The following GGTA1 variants were observed in gnomAD, a reference collection of about 807,000 sequenced individuals.
The protein encoded by GGTA1 is inactive N-acetyllactosaminide alpha-1,3-galactosyltransferase.
In GGTA1, 5 loss-of-function variants were observed where a neutral mutation model predicts 2.6. The ratio of observed to expected loss-of-function variants is 1.92; its 90% CI spans 1.00 to 4.04. The LOEUF is 4.04. Ranked by LOEUF, GGTA1 falls within the 30% of genes most tolerant of loss-of-function variation. The pLI is 0.00. For missense variants in GGTA1, 50 were observed against 16.7 expected (o/e 2.99, Z -3.47); for synonymous variants, 17 against 5.0 (o/e 3.38, Z -3.19).
At chr9:121,491,518 C>T (rs1182889774) in intron 1 of GGTA1, among the ~76,000 whole-genome samples, 3 of 152,218 alleles carry the variant, frequency 2.0e-5, no homozygotes, top group Admixed American at 6.5e-5. Flanking sequence ...AAGGTCATTT[C>T]CCCTGGCCAC....
intron 2 of GGTA1, among the ~76,000 whole-genome samples, chr9:121,465,010 AAAAAAAAAC>A (rs2064994068): frequency 3.3e-5 from 5 of 151,932 alleles, no homozygotes; most frequent in Non-Finnish European, 5.9e-5. Flanking sequence ...ACAAACAAAA[AAAAAAAAAC>A]AAAAAACAAC....
intron 5 of GGTA1, among the ~76,000 whole-genome samples, chr9:121,459,238 C>T (rs1218901322): frequency 6.6e-6 from 1 of 152,168 alleles, no homozygotes; most frequent in Non-Finnish European, 1.5e-5. Context: ...GGGAGGATCA[C>T]TTAAGCCCAG....
intron 2 of GGTA1, among the ~76,000 whole-genome samples, chr9:121,466,368 A>T (rs1050088786): frequency 7.2e-5 from 11 of 151,748 alleles, no homozygotes; most frequent in Non-Finnish European, 1.5e-5. Flanking sequence ...CCCACACAAA[A>T]CTCTGAGTCA....
chr9:121,487,308 G>T (rs1467956738), intron 1 of GGTA1, among the ~76,000 whole-genome samples: 1 of 149,872 alleles, frequency 6.7e-6, no homozygotes, highest in Non-Finnish European at 1.5e-5. Flanking sequence ...GCTGCGCGCG[G>T]TGACTCACAC....
exon 8 of GGTA1, chr9:121,447,344 A>G (rs1307057225): frequency 6.6e-6 from 1 of 152,654 alleles, no homozygotes; most frequent in Non-Finnish European, 1.5e-5. Context: ...ACATCCATGC[A>G]GAAGAGGAAG....
chr9:121,454,461 A>G (rs1190107965), downstream of GGTA1, among the ~76,000 whole-genome samples: 4 of 152,050 alleles, frequency 2.6e-5, no homozygotes, highest in Non-Finnish European at 5.9e-5. Flanking sequence ...GGGCTCACTC[A>G]CCCTTCTGAG....
downstream of GGTA1, among the ~76,000 whole-genome samples, chr9:121,451,342 C>T (rs543862666): frequency 8.5e-5 from 13 of 152,268 alleles, no homozygotes; most frequent in African/African-American, 3.1e-4. Context: ...TGTGCCACCA[C>T]GCCCAGCTAA....
At chr9:121,489,205 T>C (rs949136275) in intron 1 of GGTA1, among the ~76,000 whole-genome samples, 2 of 152,202 alleles carry the variant, frequency 1.3e-5, no homozygotes, top group African/African-American at 4.8e-5. Flanking sequence ...TTATATTTTA[T>C]ATATATTTTT....
intron 1 of GGTA1, among the ~76,000 whole-genome samples, chr9:121,468,902 C>T (rs892792115): frequency 6.6e-6 from 1 of 152,174 alleles, no homozygotes; most frequent in Non-Finnish European, 1.5e-5. Flanking sequence ...CACCTTTTAT[C>T]TCGTGACTGT....
At chr9:121,451,104 A>C (rs2064876042), downstream of GGTA1, among the ~76,000 whole-genome samples, 1 of 152,178 alleles carries the variant, frequency 6.6e-6, no homozygotes, top group Admixed American at 6.5e-5. Context: ...TTGGACTTTT[A>C]GTTTTATTTT....
At chr9:121,461,926 A>G (rs2064963366) in intron 3 of GGTA1, among the ~76,000 whole-genome samples, 1 of 152,256 alleles carries the variant, frequency 6.6e-6, no homozygotes, top group South Asian at 2.1e-4. Flanking sequence ...TAACAGCCTC[A>G]GGAAATCTGA....
chr9:121,483,274 G>A (rs930037237), intron 1 of GGTA1, among the ~76,000 whole-genome samples: 2 of 152,124 alleles, frequency 1.3e-5, no homozygotes, highest in African/African-American at 4.8e-5. Flanking sequence ...ACCTCTTTTC[G>A]TTGGAGCCAA....
intron 1 of GGTA1, 133 bp downstream of exon 1, chr9:121,499,517 A>G (rs1829061094): frequency 6.5e-6 from 1 of 152,802 alleles, no homozygotes; most frequent in Non-Finnish European, 1.5e-5. Flanking sequence ...GGACACAGGC[A>G]GGGCAGACAC....
At chr9:121,486,290 A>AGGACACTGTTGCTATCT (rs1333468566) in intron 1 of GGTA1, among the ~76,000 whole-genome samples, 1 of 152,180 alleles carries the variant, frequency 6.6e-6, no homozygotes, top group Non-Finnish European at 1.5e-5. Flanking sequence ...GTGTGGGAGG[A>AGGACACTGTTGCTATCT]GGACACTGTT....
At chr9:121,466,669 G>A (rs2065006987) in intron 2 of GGTA1, among the ~76,000 whole-genome samples, 1 of 151,936 alleles carries the variant, frequency 6.6e-6, no homozygotes, top group Non-Finnish European at 1.5e-5. Flanking sequence ...AGAATCAAAA[G>A]AGGCCGGGCA....
intron 1 of GGTA1, among the ~76,000 whole-genome samples, chr9:121,473,168 A>G (rs1828428808): frequency 6.6e-6 from 1 of 151,858 alleles, no homozygotes; most frequent in African/African-American, 2.4e-5. Flanking sequence ...AAAAATACAA[A>G]AATTAGCTGG....
chr9:121,486,581 T>C (rs992477471), intron 1 of GGTA1, among the ~76,000 whole-genome samples: 6 of 152,202 alleles, frequency 3.9e-5, no homozygotes, highest in African/African-American at 1.4e-4. Flanking sequence ...CTCTGTGAGG[T>C]TGTTTTGTGC....
At chr9:121,493,393 C>T (rs1186738302) in intron 1 of GGTA1, among the ~76,000 whole-genome samples, 1 of 152,088 alleles carries the variant, frequency 6.6e-6, no homozygotes, top group Non-Finnish European at 1.5e-5. Context: ...AGTTCTGCTA[C>T]TTAATTTTTG....
intron 1 of GGTA1, among the ~76,000 whole-genome samples, chr9:121,488,486 AG>A (rs1828807071): frequency 6.6e-6 from 1 of 152,250 alleles, no homozygotes; most frequent in South Asian, 2.1e-4. Context: ...AGGCCAAGGT[AG>A]GTGGATCACC....
Sources: gnomAD v4.1 joint callset for allele counts (sites outside exome capture counted in the v4.1 genomes callset) on GRCh38, gnomAD v4.1.1 for gene constraint, MANE v1.5 for transcripts, NCBI Gene and HGNC (gene_info 2026-07-23, HGNC 2026-07-21) for gene names.